TLN2: variants seen among roughly 807,000 people sequenced by gnomAD.
The protein encoded by TLN2 is talin 2.
A neutral mutation model predicts 294.7 loss-of-function variants in TLN2; 118 were observed. The ratio of observed to expected loss-of-function variants is 0.40; its 90% confidence interval spans 0.34 to 0.47. The LOEUF (loss-of-function observed/expected upper bound fraction) is 0.47. Among genes scored for constraint, TLN2 ranks in the 20% least tolerant of loss-of-function variants. The pLI is 0.84. For missense variants in TLN2, 3,083 were observed against 3,282.2 expected (o/e 0.94, Z 1.48); for synonymous variants, 1,431 against 1,304.5 (o/e 1.10, Z -2.09).
chr15:62,636,821 T>C (rs897682754), intron 3 of TLN2, among the ~76,000 whole-genome samples: 1 of 152,192 alleles, frequency 6.6e-6, no homozygotes, highest in African/African-American at 2.4e-5. Flanking sequence ...GGCCACACTA[T>C]CTCACAATCA....
Position 62,842,219 on chromosome 15 carries a change from C to T in TLN2, c.*1609C>T, listed in dbSNP as rs2070780384. 6.6e-6 allele frequency: 1 copy of T among 151,368 alleles called. No homozygotes were observed. The highest frequency in any genetic ancestry group is 1.5e-5 in the Non-Finnish European group (1 of 67,880). 9.4% of individuals were successfully genotyped at this position (151,368 alleles called of 1,614,324 possible). A position where few individuals can be genotyped will look rare whatever the true frequency, so the allele number is the denominator to read the frequency against. ...CGTATTAGAATTTTTTTTTTTCAGA[C>T]CAGTAAAGTTAGAGAAAAGACGCTG... On this transcript the variant is annotated 3_prime_UTR_variant, in exon 59 of 59. Transcript: ENST00000636159.
At chr15:62,707,050 A>C in intron 19 of TLN2, 36 bp from the exon 20 acceptor site, 1 of 1,571,542 alleles carries the variant, frequency 6.4e-7, no homozygotes, top group Non-Finnish European at 8.7e-7. Flanking sequence ...TGATTAGAGA[A>C]AAATAAATGA....
At chr15:62,686,889 T>G in intron 12 of TLN2, 93 bp downstream of exon 12, 1 of 1,511,954 alleles carries the variant, frequency 6.6e-7, no homozygotes, top group Non-Finnish European at 8.9e-7. Context: ...CCATTGGGTT[T>G]CTCTGGCCTG....
chr15:62,479,783 G>A, intron 1 of TLN2, among the ~76,000 whole-genome samples: 1 of 152,234 alleles, frequency 6.6e-6, no homozygotes, highest in East Asian at 1.9e-4. Flanking sequence ...ACCATGCCCG[G>A]CCTTCTTTGT....
intron 2 of TLN2, among the ~76,000 whole-genome samples, chr15:62,594,064 A>G (rs1164605652): frequency 1.3e-5 from 2 of 152,260 alleles, no homozygotes; most frequent in African/African-American, 2.4e-5. Context: ...GAGGCATTAT[A>G]CTACCTTACC....
At position 62,587,544 on chromosome 15, in the gene TLN2, C is replaced by G. The variant is rs929020627; in HGVS notation, c.-237-2143C>G. 5.3e-5 allele frequency among the ~76,000 whole-genome samples: 8 copies of G among 152,260 alleles called. No individual in the cohort carries two copies. The East Asian group carries it at 1.5e-3, about 29-fold the overall frequency. On this transcript the variant is annotated intron_variant, in intron 1 of 58. Transcript: ENST00000636159. The stretch of plus-strand genomic sequence containing the variant: ...TTTCATATCAATAAATATAGACCTC[C>G]AACATTGTTTTCAATGTCTATGTGG...
intron 37 of TLN2, among the ~76,000 whole-genome samples, chr15:62,758,057 A>G (rs563736406): frequency 2.0e-5 from 3 of 152,332 alleles, no homozygotes; most frequent in African/African-American, 7.2e-5. Context: ...TGATAGCTGC[A>G]TATTGCTCTT....
rs772281205 is a variant in TLN2 at position 62,766,310 on chromosome 15, C to T, written c.5095-11C>T. The T allele has an allele frequency of 6.2e-6, 10 of 1,608,550 alleles. No homozygotes were observed. In the East Asian group the frequency reaches 9.0e-5, roughly 14 times the overall value. On this transcript the variant is annotated splice_polypyrimidine_tract_variant and intron_variant, in intron 40 of 58. Transcript: ENST00000636159. ...GTTATGGGATGAACTTGACACTTCT[C>T]TCCTTATCAGGCCCTGCAGGAGCAG... is the stretch of plus-strand genomic sequence containing the variant.
chr15:62,605,183 T>TATAA (rs1324624912), intron 2 of TLN2, among the ~76,000 whole-genome samples: 1 of 152,204 alleles, frequency 6.6e-6, no homozygotes, highest in Non-Finnish European at 1.5e-5. Flanking sequence ...CTCATGTTTA[T>TATAA]GAATGAGGTG....
intron 1 of TLN2, among the ~76,000 whole-genome samples, chr15:62,516,038 T>G (rs922345580): frequency 1.3e-5 from 2 of 152,204 alleles, no homozygotes; most frequent in African/African-American, 4.8e-5. Flanking sequence ...ATTTCAAAAC[T>G]GAAGACATTT....
At chr15:62,402,894 A>T (rs2033131953) in intron 1 of TLN2, among the ~76,000 whole-genome samples, 2 of 151,878 alleles carry the variant, frequency 1.3e-5, no homozygotes, top group African/African-American at 4.8e-5. Context: ...TCAGTTTCTC[A>T]CTCTGATGGA....
intron 9 of TLN2, among the ~76,000 whole-genome samples, chr15:62,673,592 G>T: frequency 1.5e-5 from 2 of 137,682 alleles, no homozygotes; most frequent in Non-Finnish European, 1.5e-5. Flanking sequence ...CTTTACAATA[G>T]ATCCTGGAAT....
At chr15:62,502,868 G>C (rs1194494456) in intron 1 of TLN2, among the ~76,000 whole-genome samples, 1 of 152,194 alleles carries the variant, frequency 6.6e-6, no homozygotes, top group Admixed American at 6.5e-5. Flanking sequence ...CTCTTGTACT[G>C]TTTGGTAACA....
chr15:62,841,611 C>A lies in TLN2; in HGVS notation c.*1001C>A, dbSNP rs1266950937. 6.6e-6 allele frequency: 1 copy of A among 152,182 alleles called. No individual in the cohort carries two copies. Among genetic ancestry groups the A allele is most frequent in the Non-Finnish European group, 1.5e-5 (1 of 68,036 alleles). The allele number at this position is 152,182 out of a possible 1,614,324, so 9.4% of individuals were successfully genotyped here. A position where few individuals can be genotyped will look rare whatever the true frequency, so the allele number is the denominator to read the frequency against. On this transcript the variant is annotated 3_prime_UTR_variant, in exon 59 of 59. Coordinates refer to ENST00000636159, the MANE Select transcript of TLN2 (RefSeq NM_015059.3). ...ACGCCTTTTTTTCTGTCTTAATATCCAGAAAATCTAAATGCATCCTAAAAT... is the reference window on the plus strand; with the variant it reads ...ACGCCTTTTTTTCTGTCTTAATATCAAGAAAATCTAAATGCATCCTAAAAT...
chr15:62,527,756 C>A (rs1047902941), intron 1 of TLN2, among the ~76,000 whole-genome samples: 1 of 152,122 alleles, frequency 6.6e-6, no homozygotes, highest in Non-Finnish European at 1.5e-5. Flanking sequence ...TTATCCACTG[C>A]CAGCCTCTTT....
intron 32 of TLN2, among the ~76,000 whole-genome samples, chr15:62,744,089 C>T (rs1270027085): frequency 6.6e-6 from 1 of 152,212 alleles, no homozygotes; most frequent in African/African-American, 2.4e-5. Context: ...ATGTTTCCTT[C>T]CCTCCATCCA....
intron 3 of TLN2, among the ~76,000 whole-genome samples, chr15:62,646,308 G>T (rs2051833559): frequency 6.6e-6 from 1 of 151,954 alleles, no homozygotes. Flanking sequence ...GATTACAGGT[G>T]TATGCCACCA....
chr15:62,495,997 T>C (rs1173580726), intron 1 of TLN2, among the ~76,000 whole-genome samples: 1 of 152,216 alleles, frequency 6.6e-6, no homozygotes, highest in African/African-American at 2.4e-5. Flanking sequence ...TTTATCTTCT[T>C]TGTGTGCTTT....
intron 1 of TLN2, among the ~76,000 whole-genome samples, chr15:62,549,527 G>A (rs187315314): frequency 1.1e-4 from 13 of 118,216 alleles, no homozygotes; most frequent in African/African-American, 4.3e-4. Context: ...CATCCAGTGA[G>A]TTCCTGCTAT....
Sources: gnomAD v4.1 joint callset for allele counts (sites outside exome capture counted in the v4.1 genomes callset) on GRCh38, gnomAD v4.1.1 for gene constraint, MANE v1.5 for transcripts, NCBI Gene and HGNC (gene_info 2026-07-23, HGNC 2026-07-21) for gene names.